Variants in NTRK1 observed in about 807,000 individuals in gnomAD.
NTRK1 encodes neurotrophic receptor tyrosine kinase 1.
A neutral mutation model predicts 86.8 loss-of-function variants in NTRK1; 62 were observed. The ratio of observed to expected loss-of-function variants is 0.71; its 90% CI spans 0.58 to 0.88. NTRK1 has a LOEUF of 0.88. Among genes scored for constraint, NTRK1 ranks in the 40% least tolerant of loss-of-function variants. NTRK1 has a pLI of 0.00. For missense variants in NTRK1, 967 were observed against 1,078.4 expected (o/e 0.90, Z 1.45); for synonymous variants, 469 against 456.6 (o/e 1.03, Z -0.35).
chr1:156,872,826 C>G (rs1647638529), intron 7 of NTRK1, among the ~76,000 whole-genome samples: 1 of 151,946 alleles, frequency 6.6e-6, no homozygotes, highest in Admixed American at 6.6e-5. Flanking sequence ...CAGGCGCCCT[C>G]CACCACGCCC....
chr1:156,845,221 C>T (rs1654948826), intron 2 of NTRK1: 2 of 1,609,820 alleles, frequency 1.2e-6, no homozygotes, highest in South Asian at 2.2e-5. Context: ...GCACCTTGTC[C>T]TCCTGGATCT....
In NTRK1 at chr1:156,854,208, A is replaced by T. The variant is rs931128844; in HGVS notation, c.51-10146A>T. 7 of 1,613,938 alleles carry T rather than the reference A, an allele frequency of 4.3e-6. No individual in the cohort carries two copies. Among genetic ancestry groups the T allele is most frequent in the African/African-American group, 1.3e-5 (1 of 74,940 alleles). ...CGGAAGTCCTCCCCGGTGGCTGTGA[A>T]CATGAGCAGGATCTGCAGGTGGCCC... is the stretch of plus-strand genomic sequence containing the variant. On this transcript the variant is annotated intron_variant, in intron 2 of 16. Transcript: ENST00000392302. This position sits in a 1 kb window ranked among gnomAD's most constrained non-coding sequence, Gnocchi z 4.2.
rs965635838 is a variant in NTRK1, at chr1:156,844,240, G to T, written c.50+2047G>T. ...TGAGCAGCGTGAGCCCCACAGGGGT[G>T]GCAGTGAGGAGGACATGCAGCCCCC... On this transcript the variant is annotated intron_variant, in intron 2 of 16. Transcript: ENST00000392302. 5.6e-6 allele frequency: 9 copies of T among 1,613,766 alleles called. No individual in the cohort carries two copies. In the Admixed American group the frequency reaches 1.2e-4, roughly 21 times the overall value.
intron 1 of NTRK1, among the ~76,000 whole-genome samples, chr1:156,817,307 G>A (rs1341527242): frequency 2.6e-5 from 4 of 151,988 alleles, no homozygotes; most frequent in African/African-American, 9.7e-5. Flanking sequence ...ATGAGTCTGG[G>A]CATGGTGGCT....
At chr1:156,879,398 T>C (rs756335096) in intron 15 of NTRK1, 36 bp downstream of exon 15, 1 of 1,579,358 alleles carries the variant, frequency 6.3e-7, no homozygotes, top group Admixed American at 1.7e-5. Context: ...TTCCCCTGCA[T>C]CCAAACTGTA....
intron 1 of NTRK1, among the ~76,000 whole-genome samples, chr1:156,819,238 C>T (rs1472919703): frequency 1.3e-5 from 2 of 152,154 alleles, no homozygotes; most frequent in Admixed American, 1.3e-4. Context: ...GAACTCCTGA[C>T]CTCAGGTGAT....
chr1:156,860,243 T>C (rs558171062), upstream of NTRK1, among the ~76,000 whole-genome samples: 1 of 152,224 alleles, frequency 6.6e-6, no homozygotes, highest in South Asian at 2.1e-4. Flanking sequence ...CTCGCGCCTT[T>C]GCGCGCGGGC....
At chr1:156,879,081 C>A (rs781371177) in intron 14 of NTRK1, 41 bp from the exon 15 acceptor site, 1 of 1,610,218 alleles carries the variant, frequency 6.2e-7, no homozygotes, top group Non-Finnish European at 8.5e-7. Context: ...CCTGGGAGTT[C>A]TATCCTCCCA....
chr1:156,859,419 C>T (rs1052358028), upstream of NTRK1, among the ~76,000 whole-genome samples: 23 of 152,120 alleles, frequency 1.5e-4, no homozygotes, highest in African/African-American at 5.3e-4. This position sits in a 1 kb window ranked among gnomAD's most constrained non-coding sequence, Gnocchi z 6.2. Context: ...CCAGCGCGCC[C>T]GGGCTTCTGG....
intron 2 of NTRK1, chr1:156,845,329 C>A (rs1215858996): frequency 6.2e-7 from 1 of 1,609,358 alleles, no homozygotes; most frequent in African/African-American, 1.3e-5. Flanking sequence ...AAGGCCCAGC[C>A]CCCAAAGCCA....
chr1:156,826,110 G>C (rs1406312241), intron 1 of NTRK1, among the ~76,000 whole-genome samples: 1 of 152,110 alleles, frequency 6.6e-6, no homozygotes, highest in African/African-American at 2.4e-5. Flanking sequence ...TCCACAGAAT[G>C]AGTTCATGTT....
At position 156,876,464 on chromosome 1, in the gene NTRK1, T is replaced by C. The variant is rs55892037; in HGVS notation, c.1697T>C (p.Met566Thr). The C allele has an allele frequency of 1.0e-4, 166 of 1,613,872 alleles. No individual in the cohort carries two copies. The East Asian group carries it at 3.5e-3, about 34-fold the overall frequency. ...CAGCGTGAGGCTGAGCTGCTCACCA[T>C]GCTGCAGCACCAGCACATCGTGCGC... is the stretch of plus-strand genomic sequence containing the variant. ...DFQREAELLTMLQHQHIVRFF... is the reference protein window; with the variant it reads ...DFQREAELLTTLQHQHIVRFF... The change falls in exon 14 of 17, where the codon ATG becomes ACG. Residue 566 changes from methionine to threonine, a missense_variant. Met to Thr is a moderately conservative substitution (Grantham distance 81). Transcript: ENST00000524377.
intron 1 of NTRK1, chr1:156,841,840 C>T: frequency 1.2e-6 from 2 of 1,613,982 alleles, no homozygotes; most frequent in Non-Finnish European, 1.7e-6. Context: ...GCATAAGAGC[C>T]ACGCACTAGC....
intron 1 of NTRK1, among the ~76,000 whole-genome samples, chr1:156,821,242 C>T (rs75811624): frequency 6.8e-4 from 103 of 152,150 alleles, no homozygotes; most frequent in African/African-American, 2.4e-3. Flanking sequence ...ATGGTTGAGT[C>T]TTTAGGGTTT....
intron 1 of NTRK1, chr1:156,815,972 C>G: frequency 6.7e-7 from 1 of 1,490,652 alleles, no homozygotes; most frequent in Non-Finnish European, 8.9e-7. Context: ...GATGAGGGAG[C>G]TGCACCACGC....
intron 1 of NTRK1, among the ~76,000 whole-genome samples, chr1:156,830,157 C>T (rs188691107): frequency 2.0e-5 from 3 of 152,226 alleles, no homozygotes; most frequent in Non-Finnish European, 2.9e-5. Context: ...TTCTGGAAAC[C>T]GTGCTTACCA....
At chr1:156,838,374 G>GTTT (rs372028318) in intron 1 of NTRK1, among the ~76,000 whole-genome samples, 153 of 145,586 alleles carry the variant, frequency 1.1e-3, no homozygotes, top group South Asian at 3.9e-3. Context: ...CCAGCTACAG[G>GTTT]CTTTTTTTTT....
In NTRK1 at chr1:156,876,163, T is replaced by G. The variant is rs774290556; in HGVS notation, c.1585T>G (p.Cys529Gly). Residue 529 changes from cysteine to glycine, a missense_variant, in exon 13 of 17, where the codon TGC becomes GGC. Physicochemically the swap from Cys to Gly is radical, Grantham distance 159. This residue lies in a region of NTRK1 where 637 missense variants were observed against 776.5 expected (regional missense o/e 0.82). Transcript: ENST00000524377. ...GAFGKVFLAE[C>G]HNLLPEQDKM... ...CTTTGGGAAGGTCTTCCTTGCTGAGTGCCACAACCTCCTGCCTGAGCAGGA... is the reference window on the plus strand; with the variant it reads ...CTTTGGGAAGGTCTTCCTTGCTGAGGGCCACAACCTCCTGCCTGAGCAGGA... 2.5e-6 allele frequency: 4 copies of G among 1,614,132 alleles called. No homozygotes were observed. The highest frequency in any genetic ancestry group is 8.5e-7 in the Non-Finnish European group (1 of 1,180,012).
chr1:156,828,346 T>C (rs1192877621), intron 1 of NTRK1, among the ~76,000 whole-genome samples: 1 of 152,234 alleles, frequency 6.6e-6, no homozygotes, highest in African/African-American at 2.4e-5. Context: ...TGTTGAATTC[T>C]CAGTGCCTGG....
Sources: allele counts gnomAD v4.1 joint callset (sites outside exome capture counted in the v4.1 genomes callset), GRCh38; gene constraint gnomAD v4.1.1; regional missense constraint gnomAD v4.1.1; non-coding constraint Gnocchi (gnomAD v3.1); transcripts MANE v1.5; gene names NCBI Gene and HGNC (gene_info 2026-07-23, HGNC 2026-07-21).